The following CFAP58 variants were observed in gnomAD, a reference collection of about 807,000 sequenced individuals.
CFAP58 encodes cilia- and flagella-associated protein 58.
A neutral mutation model predicts 119.5 loss-of-function variants in CFAP58; 88 were observed. That is an observed-to-expected ratio of 0.74 (90% confidence interval 0.62 to 0.88). The LOEUF (loss-of-function observed/expected upper bound fraction) is 0.88. CFAP58 is among the 40% of genes least tolerant of loss of function. CFAP58 has a pLI of 0.00. For synonymous variants in CFAP58, 365 were observed against 366.3 expected (o/e 1.00, Z 0.04); for missense variants, 990 against 1,021.2 (o/e 0.97, Z 0.42).
At position 104,368,408 on chromosome 10, in the gene CFAP58, T is replaced by C; in HGVS notation, c.793-15T>C. 1 of 1,613,292 alleles carries C rather than the reference T, an allele frequency of 6.2e-7. No homozygotes were observed. ...AGATTAAAAAGCATTAACCAGCTCATTCCATCCCTTTCAGATATTGAATGA... is the reference window on the plus strand; with the variant it reads ...AGATTAAAAAGCATTAACCAGCTCACTCCATCCCTTTCAGATATTGAATGA... On this transcript the variant is annotated splice_polypyrimidine_tract_variant and intron_variant, in intron 5 of 17. Transcript: ENST00000369704.
intron 5 of CFAP58, among the ~76,000 whole-genome samples, chr10:104,367,339 T>G (rs2014763560): frequency 6.6e-6 from 1 of 152,226 alleles, no homozygotes; most frequent in African/African-American, 2.4e-5. Context: ...AATTGAAAAG[T>G]CTTTTCTTAA....
intron 5 of CFAP58, 139 bp downstream of exon 5, chr10:104,366,147 A>G: frequency 1.3e-6 from 1 of 767,654 alleles, no homozygotes. Context: ...AAAACTTAGC[A>G]CTGCAATTTG....
At chr10:104,372,080 C>A (rs1043439418) in intron 7 of CFAP58, among the ~76,000 whole-genome samples, 2 of 152,136 alleles carry the variant, frequency 1.3e-5, no homozygotes, top group African/African-American at 4.8e-5. Context: ...AGGCAAAGCA[C>A]GGTGTCTCAT....
At chr10:104,418,981 G>A (rs1425697572) in intron 15 of CFAP58, among the ~76,000 whole-genome samples, 4 of 152,140 alleles carry the variant, frequency 2.6e-5, no homozygotes, top group East Asian at 1.9e-4. Context: ...AATGAGATGC[G>A]AGGGGGAAAA....
At chr10:104,432,148 C>T (rs1021797126) in intron 15 of CFAP58, among the ~76,000 whole-genome samples, 2 of 151,632 alleles carry the variant, frequency 1.3e-5, no homozygotes, top group Non-Finnish European at 2.9e-5. Context: ...TTTGTCTACA[C>T]AAAAAGTTTA....
chr10:104,396,313 A>G (rs1036272483), intron 11 of CFAP58, among the ~76,000 whole-genome samples: 1 of 150,578 alleles, frequency 6.6e-6, no homozygotes, highest in African/African-American at 2.4e-5. Flanking sequence ...TCAGGGCACC[A>G]TATTCTTTTA....
intron 9 of CFAP58, among the ~76,000 whole-genome samples, chr10:104,388,430 T>C (rs1330191427): frequency 6.6e-6 from 1 of 152,196 alleles, no homozygotes; most frequent in East Asian, 1.9e-4. Flanking sequence ...TAATATAATA[T>C]GTTATGCAAT....
chr10:104,401,047 T>G (rs2012255504), intron 13 of CFAP58, 144 bp downstream of exon 13: 1 of 621,480 alleles, frequency 1.6e-6, no homozygotes, highest in Non-Finnish European at 2.8e-6. Context: ...TATTAACAAA[T>G]AATAAGAGCA....
intron 15 of CFAP58, among the ~76,000 whole-genome samples, chr10:104,421,222 C>T (rs143982781): frequency 1.3e-5 from 2 of 152,298 alleles, no homozygotes; most frequent in African/African-American, 4.8e-5. Context: ...TAGAAGCATA[C>T]ACCTTCTACA....
intron 16 of CFAP58, among the ~76,000 whole-genome samples, chr10:104,449,469 A>C (rs1454497212): frequency 2.0e-5 from 3 of 152,110 alleles, no homozygotes; most frequent in Non-Finnish European, 4.4e-5. Flanking sequence ...TGTCCAGCCC[A>C]AGCCCAGCAG....
intron 9 of CFAP58, among the ~76,000 whole-genome samples, chr10:104,389,458 G>A (rs1038705049): frequency 6.6e-6 from 1 of 151,186 alleles, no homozygotes; most frequent in Non-Finnish European, 1.5e-5. Flanking sequence ...CTCTGAAAGT[G>A]ACTGAACAAA....
chr10:104,440,407 A>G (rs962552893), intron 15 of CFAP58, among the ~76,000 whole-genome samples: 3 of 152,196 alleles, frequency 2.0e-5, no homozygotes, highest in Non-Finnish European at 4.4e-5. Flanking sequence ...TGTTCCCGGT[A>G]ATCTGATACC....
At chr10:104,438,170 A>G (rs1336211784) in intron 15 of CFAP58, among the ~76,000 whole-genome samples, 1 of 152,318 alleles carries the variant, frequency 6.6e-6, no homozygotes, top group Non-Finnish European at 1.5e-5. Flanking sequence ...TTGCTCCATT[A>G]CAAATGACCA....
chr10:104,357,856 TACAC>T (rs71022729), intron 1 of CFAP58, among the ~76,000 whole-genome samples: 1 of 68,312 alleles, frequency 1.5e-5, no homozygotes, highest in South Asian at 4.0e-4. Context: ...TACACATATA[TACAC>T]ATATATACAC....
chr10:104,396,352 T>C (rs1452112269), intron 11 of CFAP58, among the ~76,000 whole-genome samples: 1 of 130,372 alleles, frequency 7.7e-6, no homozygotes, highest in East Asian at 2.4e-4. Flanking sequence ...CTGCCATGGA[T>C]AGGGAGCTGT....
intron 7 of CFAP58, among the ~76,000 whole-genome samples, chr10:104,371,851 G>T (rs2014827649): frequency 6.6e-6 from 1 of 152,088 alleles, no homozygotes; most frequent in Admixed American, 6.6e-5. Flanking sequence ...AAAGAACCTG[G>T]GTATGAATTC....
In CFAP58 at chr10:104,454,715, T is replaced by G. The variant is rs1472580502; in HGVS notation, c.*185T>G. On this transcript the variant is annotated 3_prime_UTR_variant, in exon 18 of 18. Transcript: ENST00000369704. ...GTGTTTTGTCTGGTTCACGTTGATA[T>G]TAACAGATCATAATTCTCTCTGTTC... 3.5e-6 allele frequency: 2 copies of G among 571,868 alleles called. No individual in the cohort carries two copies. The highest frequency in any genetic ancestry group is 6.2e-6 in the Non-Finnish European group (2 of 321,938). 35.4% of individuals were successfully genotyped at this position (571,868 alleles called of 1,614,324 possible).
At chr10:104,366,493 G>T (rs907619868) in intron 5 of CFAP58, among the ~76,000 whole-genome samples, 1 of 152,100 alleles carries the variant, frequency 6.6e-6, no homozygotes, top group African/African-American at 2.4e-5. Flanking sequence ...AATATTACAG[G>T]ATATATTCTT....
chr10:104,357,021 C>T (rs542443752), intron 1 of CFAP58, among the ~76,000 whole-genome samples: 2 of 152,286 alleles, frequency 1.3e-5, no homozygotes, highest in Admixed American at 6.5e-5. Flanking sequence ...TAACAAAGCA[C>T]CACAAACTGG....
Sources: gnomAD v4.1 joint callset for allele counts (sites outside exome capture counted in the v4.1 genomes callset) on GRCh38, gnomAD v4.1.1 for gene constraint, MANE v1.5 for transcripts, NCBI Gene and HGNC (gene_info 2026-07-23, HGNC 2026-07-21) for gene names.